COL6A1: variants seen among roughly 807,000 people sequenced by gnomAD.
COL6A1 encodes the protein collagen type VI alpha 1 chain.
In COL6A1, 80 loss-of-function variants were observed where a neutral mutation model predicts 145.6. That is an observed-to-expected ratio of 0.55 (90% CI 0.46 to 0.66). COL6A1 has a LOEUF of 0.66. Among genes scored for constraint, COL6A1 ranks in the 30% least tolerant of loss-of-function variants. The pLI is 0.00. For missense variants in COL6A1, 1,364 were observed against 1,473.8 expected (o/e 0.93, Z 1.22); for synonymous variants, 638 against 622.8 (o/e 1.02, Z -0.36).
intron 2 of COL6A1, 52 bp downstream of exon 2, chr21:45,982,815 G>T (rs761724519): frequency 6.2e-7 from 1 of 1,602,482 alleles, no homozygotes; most frequent in South Asian, 1.1e-5. Flanking sequence ...CCTCTTGGAG[G>T]GAGGGGTGGG....
At chr21:45,988,637 C>T (rs948403893) in intron 8 of COL6A1, among the ~76,000 whole-genome samples, 1 of 152,108 alleles carries the variant, frequency 6.6e-6, no homozygotes, top group Admixed American at 6.5e-5. Flanking sequence ...GAATGTGGGT[C>T]CCCTGCTTCT....
At chr21:45,984,611 T>C in intron 3 of COL6A1, 142 bp downstream of exon 3, 2 of 741,624 alleles carry the variant, frequency 2.7e-6, no homozygotes, top group Non-Finnish European at 4.7e-6. Flanking sequence ...CTGACCCACT[T>C]TGTGGGCAGG....
chr21:46,002,220 C>T lies in COL6A1; in HGVS notation c.2069C>T (p.Ala690Val). Reference sequence around the variant, plus strand: ...CCTTCCTGCCCTTTGCTATGCAGAGCCATCAAGAGCCTGCAGTGGATGGCG... The same window carrying T: ...CCTTCCTGCCCTTTGCTATGCAGAGTCATCAAGAGCCTGCAGTGGATGGCG... Reference protein sequence around the residue: ...SIRNVQELKEAIKSLQWMAGG... With the variant: ...SIRNVQELKEVIKSLQWMAGG... The change falls in exon 32 of 35, where the codon GCC becomes GTC. Residue 690 changes from alanine (A) to valine (V), a missense_variant and splice_region_variant. Ala to Val is a moderately conservative substitution (Grantham distance 64). Transcript: ENST00000361866. 1 of 1,600,790 alleles carries T rather than the reference C, an allele frequency of 6.2e-7. No homozygotes were observed.
chr21:45,998,040 A>G, intron 22 of COL6A1, 81 bp from the exon 23 acceptor site: 6 of 1,536,582 alleles, frequency 3.9e-6, no homozygotes, highest in Non-Finnish European at 5.3e-6. Context: ...CCTGCGGGTG[A>G]GGTGCTCCCG....
chr21:45,998,411 A>G lies in COL6A1; in HGVS notation c.1589A>G (p.Asn530Ser), dbSNP rs771012175. The change falls in exon 24 of 35, where the codon AAC becomes AGC. Residue 530 changes from asparagine to serine, a missense_variant. Asn to Ser is a conservative substitution (Grantham distance 46). Around this residue, in one of 3 missense-constraint regions of COL6A1, gnomAD observed 938 missense variants for 1,003.8 expected, o/e 0.93. Coordinates refer to ENST00000361866, the MANE Select transcript of COL6A1 (RefSeq NM_001848.3). ...TTTCCATGACAGGGGTATCCGGGCA[A>G]CAGGGGCGCTCCCGGGATAAACGTG... Reference protein sequence around the residue: ...GFPGFPGYPGNRGAPGINGTK... With the variant: ...GFPGFPGYPGSRGAPGINGTK... 3.1e-6 allele frequency: 5 copies of G among 1,613,068 alleles called. No homozygotes were observed. Among genetic ancestry groups the G allele is most frequent in the Non-Finnish European group, 4.2e-6 (5 of 1,179,962 alleles).
chr21:45,987,299 G>T, intron 6 of COL6A1, 124 bp downstream of exon 6: 1 of 1,530,148 alleles, frequency 6.5e-7, no homozygotes. Context: ...CATGTCCCCT[G>T]CGTGTCTGCC....
intron 2 of COL6A1, 135 bp from the exon 3 acceptor site, chr21:45,984,134 A>G: frequency 1.1e-6 from 1 of 931,578 alleles, no homozygotes; most frequent in Non-Finnish European, 1.7e-6. Flanking sequence ...TCAGGGCCAC[A>G]GGGCAAGTCC....
Position 46,002,085 on chromosome 21 carries a change from C to CG in COL6A1, c.2066+17dup, listed in dbSNP as rs1460513818. ...GAGCTCAAGGAGTGAGTGCCCCACG[C>CG]GGCCAGGACCCTCCCACCCCTCGCC... On this transcript the variant is annotated intron_variant, in intron 31 of 34. Coordinates refer to ENST00000361866, the MANE Select transcript of COL6A1 (RefSeq NM_001848.3). The CG allele has an allele frequency of 6.2e-7, 1 of 1,603,728 alleles. No individual in the cohort carries two copies. The highest frequency in any genetic ancestry group is 8.5e-7 in the Non-Finnish European group (1 of 1,176,344).
At chr21:46,000,019 T>TGG (rs147675024) in intron 27 of COL6A1, among the ~76,000 whole-genome samples, 7 of 24,818 alleles carry the variant, frequency 2.8e-4, no homozygotes, top group African/African-American at 3.9e-4. Flanking sequence ...GTGAGGATCA[T>TGG]GGGGGACCCG....
At chr21:45,983,980 T>C (rs2077723162) in intron 2 of COL6A1, among the ~76,000 whole-genome samples, 1 of 152,148 alleles carries the variant, frequency 6.6e-6, no homozygotes, top group Non-Finnish European at 1.5e-5. Context: ...CTTCCCCCAC[T>C]GTCATGCTGC....
Position 45,998,149 on chromosome 21 carries a change from C to T in COL6A1, c.1553C>T (p.Thr518Ile). The T allele has an allele frequency of 6.2e-7, 1 of 1,612,466 alleles. No homozygotes were observed. The highest frequency in any genetic ancestry group is 8.5e-7 in the Non-Finnish European group (1 of 1,179,786). Residue 518 changes from threonine (T) to isoleucine (I), a missense_variant, in exon 23 of 35, where the codon ACC becomes ATC. Thr to Ile is a moderately conservative substitution (Grantham distance 89, BLOSUM62 -1). Around this residue, in one of 3 missense-constraint regions of COL6A1, gnomAD observed 938 missense variants for 1,003.8 expected, o/e 0.93. Transcript: ENST00000361866. ...GAAGACGGCCCCGCTGGAAATGGCA[C>T]CGAGGGCTTCCCCGGCTTCCCCGTA... Reference protein sequence around the residue: ...RGEDGPAGNGTEGFPGFPGYP... With the variant: ...RGEDGPAGNGIEGFPGFPGYP...
intron 24 of COL6A1, 45 bp downstream of exon 24, chr21:45,998,478 TCA>T: frequency 6.2e-7 from 1 of 1,612,162 alleles, no homozygotes. Flanking sequence ...ACACAAACAT[TCA>T]CAGTCACAGG....
chr21:45,998,462 G>A, intron 24 of COL6A1, 29 bp downstream of exon 24: 1 of 1,613,138 alleles, frequency 6.2e-7, no homozygotes, highest in South Asian at 1.1e-5. Flanking sequence ...CCATCTGGCT[G>A]TGGGCACACA....
rs1556432617 is a variant in COL6A1 at position 46,003,320 on chromosome 21, G to A, written c.2465-71G>A. On this transcript the variant is annotated intron_variant, in intron 34 of 34. Transcript: ENST00000361866. ...CGTGCCCTCTCTGGGGAGCTTAGAC[G>A]CTCTCTGGCCGGCCCACTGCGGCTG... 9.4e-6 allele frequency: 15 copies of A among 1,600,920 alleles called. No homozygotes were observed. In the South Asian group the frequency reaches 1.4e-4, roughly 15 times the overall value.
Position 45,982,648 on chromosome 21 carries a change from C to G in COL6A1, c.112C>G (p.Leu38Val), listed in dbSNP as rs748478347. 1 of 1,612,738 alleles carries G rather than the reference C, an allele frequency of 6.2e-7. No homozygotes were observed. Among genetic ancestry groups the G allele is most frequent in the African/African-American group, 1.3e-5 (1 of 74,920 alleles). ...AVAFQDCPVDLFFVLDTSESV... is the reference protein window; with the variant it reads ...AVAFQDCPVDVFFVLDTSESV... ...TCTTCGGCCAGACTGCCCCGTGGAC[C>G]TGTTCTTTGTGCTGGACACCTCTGA... The change falls in exon 2 of 35, where the codon CTG becomes GTG. Residue 38 changes from leucine to valine, a missense_variant. Around this residue, in one of 3 missense-constraint regions of COL6A1, gnomAD observed 414 missense variants for 437.6 expected, o/e 0.95. Transcript: ENST00000361866.
At position 46,003,649 on chromosome 21, in the gene COL6A1, A is replaced by G. The variant is rs770495711; in HGVS notation, c.2723A>G (p.Asp908Gly). ...TALASAVDAM[D>G]FINDATDVND... ...CTGGCCAGTGCCGTCGATGCCATGGACTTTATCAACGACGCCACCGACGTC... is the reference window on the plus strand; with the variant it reads ...CTGGCCAGTGCCGTCGATGCCATGGGCTTTATCAACGACGCCACCGACGTC... Residue 908 changes from aspartate to glycine, a missense_variant, in exon 35 of 35, where the codon GAC becomes GGC. By Grantham distance (94) the Asp-to-Gly change is moderately conservative. Around this residue, in one of 3 missense-constraint regions of COL6A1, gnomAD observed 938 missense variants for 1,003.8 expected, o/e 0.93. Coordinates refer to ENST00000361866, the MANE Select transcript of COL6A1 (RefSeq NM_001848.3). 4 of 1,612,874 alleles carry G rather than the reference A, an allele frequency of 2.5e-6. No homozygotes were observed. Among genetic ancestry groups the G allele is most frequent in the Non-Finnish European group, 3.4e-6 (4 of 1,179,924 alleles).
chr21:46,004,383 G>C lies in COL6A1; in HGVS notation c.*370G>C, dbSNP rs2077869165. 5.7e-6 allele frequency: 2 copies of C among 352,252 alleles called. No homozygotes were observed. Among genetic ancestry groups the C allele is most frequent in the South Asian group, 5.8e-5 (2 of 34,554 alleles). The allele number at this position is 352,252 out of a possible 1,614,324, so 21.8% of individuals were successfully genotyped here. A position where few individuals can be genotyped will look rare whatever the true frequency, so the allele number is the denominator to read the frequency against. ...GCTCTCCTGCCCTGCCCTCCTGCCC[G>C]CCCTCCCTCCTGCCTGCGCAGCTCC... On this transcript the variant is annotated 3_prime_UTR_variant, in exon 35 of 35. Transcript: ENST00000361866.
Position 45,982,775 on chromosome 21 carries a change from G to C in COL6A1, c.227+12G>C. 1 of 1,611,250 alleles carries C rather than the reference G, an allele frequency of 6.2e-7. No individual in the cohort carries two copies. The highest frequency in any genetic ancestry group is 8.5e-7 in the Non-Finnish European group (1 of 1,179,866). On this transcript the variant is annotated intron_variant, in intron 2 of 34. Coordinates refer to ENST00000361866, the MANE Select transcript of COL6A1 (RefSeq NM_001848.3). Reference sequence around the variant, plus strand: ...AACCTGAGGGACAGGTAGGAGGGACGCCCCGTGACCTTCCTCCTGTGCTTC... The same window carrying C: ...AACCTGAGGGACAGGTAGGAGGGACCCCCCGTGACCTTCCTCCTGTGCTTC...
At chr21:45,984,935 CAGAG>C (rs970864790) in intron 3 of COL6A1, among the ~76,000 whole-genome samples, 1 of 144,396 alleles carries the variant, frequency 6.9e-6, no homozygotes, top group Admixed American at 6.8e-5. Flanking sequence ...CAAACAGAGA[CAGAG>C]AGACAGAAAC....
Sources: allele counts gnomAD v4.1 joint callset (sites outside exome capture counted in the v4.1 genomes callset), GRCh38; gene constraint gnomAD v4.1.1; regional missense constraint gnomAD v4.1.1; transcripts MANE v1.5; gene names NCBI Gene and HGNC (gene_info 2026-07-23, HGNC 2026-07-21).